Variants in FHIT observed in about 807,000 individuals in gnomAD.
FHIT encodes bis(5'-adenosyl)-triphosphatase.
In FHIT, 19 loss-of-function variants were observed where a neutral mutation model predicts 17.9. The ratio of observed to expected loss-of-function variants is 1.06; its 90% CI spans 0.74 to 1.56. The LOEUF is 1.56. Among genes scored for constraint, FHIT ranks in the 40% most tolerant of loss-of-function variants. The pLI is 0.00. For synonymous variants in FHIT, 81 were observed against 69.7 expected, an observed-to-expected ratio of 1.16 and a Z score of -0.81; for missense variants, 248 against 189.2, an observed-to-expected ratio of 1.31 and a Z score of -1.82.
At chr3:60,601,905 A>G (rs1021397787) in intron 4 of FHIT, among the ~76,000 whole-genome samples, 1 of 144,800 alleles carries the variant, frequency 6.9e-6, no homozygotes, top group South Asian at 2.3e-4. Context: ...ATAAAAACTT[A>G]ATTAATTCAT....
intron 5 of FHIT, among the ~76,000 whole-genome samples, chr3:60,315,799 G>A (rs763747932): frequency 6.6e-6 from 1 of 152,102 alleles, no homozygotes; most frequent in Non-Finnish European, 1.5e-5. Flanking sequence ...CATTTCTCTT[G>A]GGTATATACC....
intron 8 of FHIT, among the ~76,000 whole-genome samples, chr3:59,854,483 G>A (rs1051077371): frequency 1.3e-5 from 2 of 152,196 alleles, no homozygotes; most frequent in Admixed American, 6.5e-5. Flanking sequence ...CTCGTGAAGT[G>A]TCAGAACTCA....
chr3:60,310,186 G>A (rs1708878065), intron 5 of FHIT, among the ~76,000 whole-genome samples: 1 of 152,086 alleles, frequency 6.6e-6, no homozygotes, highest in African/African-American at 2.4e-5. Flanking sequence ...TGGATTTCAG[G>A]TCTCCACAGA....
intron 2 of FHIT, among the ~76,000 whole-genome samples, chr3:61,077,610 A>G (rs1444488078): frequency 6.6e-6 from 1 of 152,142 alleles, no homozygotes; most frequent in African/African-American, 2.4e-5. Context: ...CCTAGTTTGT[A>G]AGATCCCAAG....
At chr3:59,928,608 G>A (rs1381928825) in intron 7 of FHIT, among the ~76,000 whole-genome samples, 2 of 152,196 alleles carry the variant, frequency 1.3e-5, no homozygotes, top group Non-Finnish European at 2.9e-5. Flanking sequence ...CTCCAAAGAG[G>A]ATGGATAAAT....
chr3:60,203,181 G>T (rs1041884113), intron 5 of FHIT, among the ~76,000 whole-genome samples: 1 of 152,068 alleles, frequency 6.6e-6, no homozygotes, highest in Admixed American at 6.5e-5. Context: ...AAGTGTGTGT[G>T]AGTCTTTGCA....
intron 3 of FHIT, among the ~76,000 whole-genome samples, chr3:60,987,584 C>T (rs559510716): frequency 6.6e-6 from 1 of 152,312 alleles, no homozygotes; most frequent in African/African-American, 2.4e-5. Context: ...GTTTGGGGCT[C>T]TCAGCTCTGA....
At position 60,627,598 on chromosome 3, in the gene FHIT, A is replaced by G. The variant is rs76509559; in HGVS notation, c.-17-90619T>C. Among the ~76,000 whole-genome samples the G allele has an allele frequency of 1.8e-3, 268 of 152,210 alleles. 2 individuals carry two copies. Among genetic ancestry groups the G allele is most frequent in the African/African-American group, 6.4e-3 (264 of 41,524 alleles). On this transcript the variant is annotated intron_variant, in intron 4 of 9. Coordinates refer to ENST00000492590, the MANE Select transcript of FHIT (RefSeq NM_002012.4). ...GAGTGCAGTGGCGGGATCTAGGCTC[A>G]CTGAAACCTCTGCCTCCCAGGTTCA... is the stretch of plus-strand genomic sequence containing the variant.
At chr3:60,686,147 T>C (rs551028419) in intron 4 of FHIT, among the ~76,000 whole-genome samples, 1 of 152,318 alleles carries the variant, frequency 6.6e-6, no homozygotes, top group East Asian at 1.9e-4. Context: ...ATTGTTTCAT[T>C]GTCTTCTTGC....
chr3:61,155,120 T>C (rs2107067689), intron 2 of FHIT, among the ~76,000 whole-genome samples: 1 of 152,344 alleles, frequency 6.6e-6, no homozygotes, highest in South Asian at 2.1e-4. Context: ...CTACATTTAT[T>C]ATAACATTCA....
chr3:60,875,029 A>T (rs538225853), intron 3 of FHIT, among the ~76,000 whole-genome samples: 1 of 152,310 alleles, frequency 6.6e-6, no homozygotes, highest in Admixed American at 6.5e-5. Context: ...ATGGGAGCAT[A>T]TGTCAGGCAA....
rs113948072 is a variant in FHIT at position 61,108,157 on chromosome 3, C to A, written c.-163-66058G>T. Among the ~76,000 whole-genome samples, 1,233 of 152,208 alleles carry A rather than the reference C, an allele frequency of 8.1e-3. 10 individuals carry two copies. Among genetic ancestry groups the A allele is most frequent in the African/African-American group, 0.023 (947 of 41,536 alleles). On this transcript the variant is annotated intron_variant, in intron 2 of 9. Coordinates refer to ENST00000492590, the MANE Select transcript of FHIT (RefSeq NM_002012.4). ...TTTTCATATACTTGGCCATTCATAT[C>A]TCTTCTTTTGAGAAATCTCTTATTA...
intron 7 of FHIT, among the ~76,000 whole-genome samples, chr3:59,973,521 A>G (rs2107396538): frequency 6.6e-6 from 1 of 152,234 alleles, no homozygotes; most frequent in East Asian, 1.9e-4. Context: ...GTTTTAAAGA[A>G]GATCTCTTGT....
intron 7 of FHIT, among the ~76,000 whole-genome samples, chr3:60,003,858 CTTTTT>C (rs35165735): frequency 6.9e-6 from 1 of 144,996 alleles, no homozygotes; most frequent in Non-Finnish European, 1.5e-5. Flanking sequence ...ATTTATTTTA[CTTTTT>C]TTTTTTTTTT....
intron 5 of FHIT, among the ~76,000 whole-genome samples, chr3:60,183,894 C>G (rs1240802254): frequency 6.6e-6 from 1 of 152,082 alleles, no homozygotes; most frequent in East Asian, 1.9e-4. Flanking sequence ...CCCATATATG[C>G]CACACCTAGT....
At chr3:60,850,241 A>C (rs1703097498) in intron 3 of FHIT, among the ~76,000 whole-genome samples, 1 of 150,546 alleles carries the variant, frequency 6.6e-6, no homozygotes, top group South Asian at 2.1e-4. Context: ...CTACACTGGA[A>C]GGTATTGGGC....
intron 5 of FHIT, among the ~76,000 whole-genome samples, chr3:60,402,101 A>G (rs1421913077): frequency 6.6e-6 from 1 of 152,016 alleles, no homozygotes; most frequent in African/African-American, 2.4e-5. Context: ...AGCTCCTCCT[A>G]CCTCCTGATC....
At chr3:60,139,075 T>C (rs937068346) in intron 5 of FHIT, among the ~76,000 whole-genome samples, 1 of 152,170 alleles carries the variant, frequency 6.6e-6, no homozygotes. Context: ...GAAAGTTGGC[T>C]TCAGTCTCAA....
intron 4 of FHIT, among the ~76,000 whole-genome samples, chr3:60,719,288 A>C (rs2041757114): frequency 2.0e-5 from 3 of 152,144 alleles, no homozygotes; most frequent in Admixed American, 1.3e-4. Flanking sequence ...ACTACACTCC[A>C]ATTTGACCTT....
Sources: gnomAD v4.1 joint callset for allele counts (sites outside exome capture counted in the v4.1 genomes callset) on GRCh38, gnomAD v4.1.1 for gene constraint, MANE v1.5 for transcripts, NCBI Gene and HGNC (gene_info 2026-07-23, HGNC 2026-07-21) for gene names.